The following ZNF333 variants were observed in gnomAD, a reference collection of about 807,000 sequenced individuals.
The protein encoded by ZNF333 is zinc finger protein 333.
ZNF333 carries 61 observed loss-of-function variants against 76.1 expected under a neutral mutation model. The observed-to-expected ratio is 0.80, with a 90% CI of 0.65 to 0.99. The LOEUF (loss-of-function observed/expected upper bound fraction) is 0.99, where lower values mean the gene tolerates loss of function less well. Ranked by LOEUF, ZNF333 falls within the 50% of genes least tolerant of loss-of-function variation. The pLI is 0.00. For missense variants in ZNF333, 717 were observed against 822.4 expected (o/e 0.87, Z 1.57); for synonymous variants, 284 against 305.0 (o/e 0.93, Z 0.72).
At chr19:14,690,329 C>A (rs1972666339) in intron 1 of ZNF333, among the ~76,000 whole-genome samples, 179 bp downstream of exon 1, 1 of 152,224 alleles carries the variant, frequency 6.6e-6, no homozygotes, top group Non-Finnish European at 1.5e-5. Context: ...GCCGCCCGGT[C>A]TCTCGCTCTC....
At chr19:14,717,510 A>T in intron 10 of ZNF333, 147 bp from the exon 11 acceptor site, 4 of 645,700 alleles carry the variant, frequency 6.2e-6, no homozygotes, top group African/African-American at 3.6e-5. Context: ...TTTTAGATGC[A>T]TTCCTTCTCA....
exon 12 of ZNF333, chr19:14,732,502 A>G (rs1407529958): frequency 2.0e-5 from 3 of 152,196 alleles, no homozygotes; most frequent in Non-Finnish European, 4.4e-5. Context: ...TATGTGATGA[A>G]TGGATGAATA....
At chr19:14,726,994 T>C (rs2147042700) in intron 11 of ZNF333, among the ~76,000 whole-genome samples, 1 of 151,350 alleles carries the variant, frequency 6.6e-6, no homozygotes. Context: ...AAGGAATACC[T>C]GAGGCTGGGT....
intron 4 of ZNF333, among the ~76,000 whole-genome samples, chr19:14,698,905 T>G (rs1195618604): frequency 1.4e-3 from 21 of 15,508 alleles, no homozygotes; most frequent in South Asian, 4.0e-3. Context: ...TATAGATATA[T>G]ATATATATAT....
At chr19:14,694,234 A>G (rs1342132717) in intron 2 of ZNF333, among the ~76,000 whole-genome samples, 2 of 152,166 alleles carry the variant, frequency 1.3e-5, no homozygotes, top group African/African-American at 4.8e-5. Context: ...GCACTTTGGG[A>G]GGCCGAGGCG....
chr19:14,703,540 A>G (rs2042024079), intron 5 of ZNF333, among the ~76,000 whole-genome samples: 1 of 152,204 alleles, frequency 6.6e-6, no homozygotes, highest in African/African-American at 2.4e-5. Flanking sequence ...GGCCAATGTC[A>G]TTGGAAAATT....
rs73926605 is a variant in ZNF333, at chr19:14,720,700, A to G, written c.*1375A>G. On this transcript the variant is annotated 3_prime_UTR_variant, in exon 12 of 12. Transcript: ENST00000292530. ...GTCAGTTTTTATAAATGCTTCATGG[A>G]TGGTTGAAATCAATGTATTGTATTC... The G allele has an allele frequency of 3.9e-4, 381 of 985,356 alleles. 4 individuals carry two copies. In the African/African-American group the frequency reaches 6.4e-3, roughly 17 times the overall value. The allele number at this position is 985,356 out of a possible 1,614,324, so 61.0% of individuals were successfully genotyped here. A position where few individuals can be genotyped will look rare whatever the true frequency, so the allele number is the denominator to read the frequency against.
Position 14,719,680 on chromosome 19 carries a change from T to A in ZNF333, c.*355T>A, listed in dbSNP as rs545703350. 7.8e-6 allele frequency: 8 copies of A among 1,027,908 alleles called. No individual in the cohort carries two copies. The East Asian group carries it at 6.3e-4, about 81-fold the overall frequency. The allele number at this position is 1,027,908 out of a possible 1,614,324, so 63.7% of individuals were successfully genotyped here. A position where few individuals can be genotyped will look rare whatever the true frequency, so the allele number is the denominator to read the frequency against. On this transcript the variant is annotated 3_prime_UTR_variant, in exon 12 of 12. Coordinates refer to ENST00000292530, the MANE Select transcript of ZNF333 (RefSeq NM_032433.4). Reference sequence around the variant, plus strand: ...AGGTTCCTGCATGTTATATGGCTATTTCTTAGTTGCCTTTTTGTTGTTGGT... The same window carrying A: ...AGGTTCCTGCATGTTATATGGCTATATCTTAGTTGCCTTTTTGTTGTTGGT...
chr19:14,708,297 C>T (rs2042175823), intron 7 of ZNF333: 5 of 400,508 alleles, frequency 1.2e-5, no homozygotes, highest in Admixed American at 4.4e-5. Context: ...TGTGAGCCAC[C>T]GTGCCTGACC....
rs1555776234 is a variant in ZNF333, at chr19:14,717,044, G to C, written c.778G>C (p.Glu260Gln). Reference protein sequence around the residue: ...NALSYLEERGEQWTTDRGVLS... With the variant: ...NALSYLEERGQQWTTDRGVLS... ...GTTGTCTTATTTGGAAGAAAGAGGA[G>C]AGCAGTGGACCACTGACAGGGGCGT... Residue 260 changes from glutamate to glutamine, a missense_variant, in exon 10 of 12, where the codon GAG becomes CAG. Physicochemically the swap from Glu to Gln is conservative, Grantham distance 29. Coordinates refer to ENST00000292530, the MANE Select transcript of ZNF333 (RefSeq NM_032433.4). 1 of 1,611,894 alleles carries C rather than the reference G, an allele frequency of 6.2e-7. No homozygotes were observed. The highest frequency in any genetic ancestry group is 8.5e-7 in the Non-Finnish European group (1 of 1,178,908).
chr19:14,722,611 G>A (rs2042602533), downstream of ZNF333, among the ~76,000 whole-genome samples: 2 of 152,122 alleles, frequency 1.3e-5, no homozygotes, highest in South Asian at 4.2e-4. Flanking sequence ...CTAAGATTTT[G>A]GTGTAGTCCA....
chr19:14,694,792 T>C (rs3850140), intron 2 of ZNF333, among the ~76,000 whole-genome samples: 95,325 of 152,116 alleles, frequency 0.63, 30,173 homozygotes, highest in South Asian at 0.78. Flanking sequence ...GTCACAACTA[T>C]TCAGTTCTGC....
chr19:14,698,737 A>G (rs1286728670), intron 4 of ZNF333, among the ~76,000 whole-genome samples: 7 of 149,836 alleles, frequency 4.7e-5, no homozygotes, highest in African/African-American at 1.7e-4. Context: ...ACTACTTGGG[A>G]GGCTGAGGCA....
Position 14,705,058 on chromosome 19 carries a change from C to CG in ZNF333, c.315dup (p.Leu106AlafsTer71). The CG allele has an allele frequency of 6.2e-7, 1 of 1,613,714 alleles. No homozygotes were observed. The highest frequency in any genetic ancestry group is 8.5e-7 in the Non-Finnish European group (1 of 1,179,762). ...CACCCTCTTGTCTTTTGCCAGGGGC[C>CG]GGGGCTGTTCCTGAGGATGCAGCTG... On this transcript the variant is annotated frameshift_variant, in exon 6 of 12. Coordinates refer to ENST00000292530, the MANE Select transcript of ZNF333 (RefSeq NM_032433.4). LOFTEE classifies it high-confidence loss of function.
chr19:14,716,084 G>C (rs1045625514), intron 8 of ZNF333, 28 bp from the exon 9 acceptor site: 4 of 1,613,260 alleles, frequency 2.5e-6, no homozygotes, highest in African/African-American at 2.7e-5. Flanking sequence ...GTGGTCCCTG[G>C]CTGAGCCGGG....
intron 4 of ZNF333, among the ~76,000 whole-genome samples, chr19:14,697,847 C>T (rs1032393691): frequency 3.3e-5 from 5 of 152,178 alleles, no homozygotes; most frequent in African/African-American, 4.8e-5. Context: ...TCCACATTCT[C>T]GCCCATACTT....
At position 14,705,048 on chromosome 19, in the gene ZNF333, TG is replaced by T. The variant is rs1162349669; in HGVS notation, c.307-5del. On this transcript the variant is annotated splice_polypyrimidine_tract_variant and splice_region_variant and intron_variant, in intron 5 of 11. Coordinates refer to ENST00000292530, the MANE Select transcript of ZNF333 (RefSeq NM_032433.4). ...TCCTGCTCAGCACCCTCTTGTCTTT[TG>T]CCAGGGGCCGGGGCTGTTCCTGAGG... The T allele has an allele frequency of 1.2e-6, 2 of 1,613,322 alleles. No homozygotes were observed. The highest frequency in any genetic ancestry group is 1.7e-6 in the Non-Finnish European group (2 of 1,179,594).
At chr19:14,706,481 TC>T in intron 6 of ZNF333, 1 of 568,772 alleles carries the variant, frequency 1.8e-6, no homozygotes, top group Non-Finnish European at 3.1e-6. Context: ...CTGGGTGCCC[TC>T]TCTCCAGGCC....
chr19:14,693,367 T>A (rs1972914951), intron 1 of ZNF333, 84 bp from the exon 2 acceptor site: 3 of 1,072,452 alleles, frequency 2.8e-6, no homozygotes, highest in Admixed American at 2.5e-5. Flanking sequence ...GGGTTTTGAT[T>A]GTGACCACTC....
Sources: allele counts gnomAD v4.1 joint callset (sites outside exome capture counted in the v4.1 genomes callset), GRCh38; gene constraint gnomAD v4.1.1; transcripts MANE v1.5; gene names NCBI Gene and HGNC (gene_info 2026-07-23, HGNC 2026-07-21).